The following PRKCZ variants were observed in gnomAD, a reference collection of about 807,000 sequenced individuals.
PRKCZ encodes the protein protein kinase C zeta, also known as protein kinase C zeta type.
A neutral mutation model predicts 79.5 loss-of-function variants in PRKCZ; 33 were observed. The ratio of observed to expected loss-of-function variants is 0.41; its 90% CI spans 0.31 to 0.55. PRKCZ has a LOEUF of 0.55. Ranked by LOEUF, PRKCZ falls within the 20% of genes least tolerant of loss-of-function variation. PRKCZ has a pLI of 0.19. For synonymous variants in PRKCZ, 342 were observed against 320.9 expected, an observed-to-expected ratio of 1.07 and a Z score of -0.70; for missense variants, 578 against 813.5, an observed-to-expected ratio of 0.71 and a Z score of 3.52.
At chr1:2,143,025 CTT>C (rs1171233546) in intron 5 of PRKCZ, 16 of 123,248 alleles carry the variant, frequency 1.3e-4, no homozygotes, top group African/African-American at 1.9e-4. Flanking sequence ...ATTTCCTCTT[CTT>C]TTTTTTTTTT....
At chr1:2,158,915 T>C (rs1681656310) in intron 10 of PRKCZ, among the ~76,000 whole-genome samples, 1 of 151,880 alleles carries the variant, frequency 6.6e-6, no homozygotes, top group Non-Finnish European at 1.5e-5. Context: ...TTCCTATGCA[T>C]GTCTGATTTT....
Position 2,184,967 on chromosome 1 carries a change from G to T in PRKCZ, c.1737G>T (p.Glu579Asp). The T allele has an allele frequency of 6.2e-7, 1 of 1,613,992 alleles. No individual in the cohort carries two copies. The highest frequency in any genetic ancestry group is 8.5e-7 in the Non-Finnish European group (1 of 1,180,002). Residue 579 changes from glutamate (E) to aspartate (D), a missense_variant, in exon 18 of 18, where the codon GAG becomes GAT. Transcript: ENST00000378567. ...ACCAGTCAGAGTTCGAAGGCTTTGA[G>T]TATATCAACCCATTATTGCTGTCCA... ...RIDQSEFEGF[E>D]YINPLLLSTE...
chr1:2,117,926 T>G (rs1480600945), intron 4 of PRKCZ, among the ~76,000 whole-genome samples: 2 of 152,112 alleles, frequency 1.3e-5, no homozygotes, highest in Non-Finnish European at 2.9e-5. Context: ...TATATTTTGC[T>G]TGATTCAGTT....
intron 8 of PRKCZ, among the ~76,000 whole-genome samples, chr1:2,150,233 T>C (rs1462516538): frequency 1.3e-5 from 2 of 148,520 alleles, no homozygotes; most frequent in African/African-American, 5.0e-5. Flanking sequence ...AACCGCCTCC[T>C]CCACCCCGAC....
chr1:2,159,994 G>A (rs754977748), intron 10 of PRKCZ, among the ~76,000 whole-genome samples: 1 of 152,170 alleles, frequency 6.6e-6, no homozygotes, highest in Non-Finnish European at 1.5e-5. Flanking sequence ...CAGATGGTAG[G>A]TGAGCAAACT....
chr1:2,121,991 G>T (rs188536933), intron 4 of PRKCZ, among the ~76,000 whole-genome samples: 1 of 11,028 alleles, frequency 9.1e-5, no homozygotes, highest in Non-Finnish European at 1.6e-4. Context: ...GGGTCACGGC[G>T]GTGGTTAGGG....
chr1:2,048,745 T>C (rs780824990), upstream of PRKCZ, among the ~76,000 whole-genome samples: 4 of 152,088 alleles, frequency 2.6e-5, no homozygotes, highest in African/African-American at 7.2e-5. Context: ...AGGCTGAGGC[T>C]GGGGCTCCAC....
intron 5 of PRKCZ, chr1:2,142,289 A>T (rs559715998): frequency 3.5e-4 from 73 of 211,210 alleles, no homozygotes; most frequent in Non-Finnish European, 1.4e-4. Context: ...CCAGCAGCCG[A>T]AGCGCCTCCT....
chr1:2,150,157 GT>G (rs1679575210), intron 8 of PRKCZ, among the ~76,000 whole-genome samples: 1 of 124,070 alleles, frequency 8.1e-6, no homozygotes, highest in Non-Finnish European at 1.6e-5. Flanking sequence ...GCCAGACTCC[GT>G]CTCAAAAAAA....
intron 4 of PRKCZ, among the ~76,000 whole-genome samples, chr1:2,079,968 G>A (rs1663176191): frequency 6.6e-6 from 1 of 152,224 alleles, no homozygotes; most frequent in Non-Finnish European, 1.5e-5. Context: ...CTTTGGGTGA[G>A]GAAGGGGGTC....
chr1:2,179,474 G>A (rs1014819508), intron 16 of PRKCZ, among the ~76,000 whole-genome samples: 11 of 152,234 alleles, frequency 7.2e-5, no homozygotes, highest in Non-Finnish European at 1.2e-4. Flanking sequence ...ACTATCAGGA[G>A]TCTGAGATTT....
At chr1:2,117,337 T>TA (rs1389187573) in intron 4 of PRKCZ, among the ~76,000 whole-genome samples, 1 of 152,020 alleles carries the variant, frequency 6.6e-6, no homozygotes, top group Non-Finnish European at 1.5e-5. Flanking sequence ...TTTCAGTGCT[T>TA]ATGCTGTTTT....
chr1:2,134,494 C>G (rs933142324), intron 4 of PRKCZ, among the ~76,000 whole-genome samples: 12 of 152,136 alleles, frequency 7.9e-5, no homozygotes, highest in African/African-American at 2.7e-4. Context: ...AAGTGGGACA[C>G]GGTGTTGAGG....
chr1:2,081,404 G>A (rs1663487555), intron 4 of PRKCZ, among the ~76,000 whole-genome samples: 1 of 152,210 alleles, frequency 6.6e-6, no homozygotes, highest in Admixed American at 6.5e-5. Context: ...GCAGGCTGCA[G>A]GGAGCAGGGG....
intron 4 of PRKCZ, among the ~76,000 whole-genome samples, chr1:2,118,273 A>G (rs1252073523): frequency 1.3e-5 from 2 of 151,550 alleles, no homozygotes; most frequent in Admixed American, 6.6e-5. Context: ...CTGGGATTAC[A>G]GGTGTGAGCC....
chr1:2,184,517 A>G lies in PRKCZ; in HGVS notation c.1576-66A>G, dbSNP rs553946128. ...TTCATTTTGTGATTGAAGTGCGTGC[A>G]AAACACTCAATCTGGTAGGGATGAT... On this transcript the variant is annotated intron_variant, in intron 16 of 17. Coordinates refer to ENST00000378567, the MANE Select transcript of PRKCZ (RefSeq NM_002744.6). The G allele has an allele frequency of 1.5e-4, 187 of 1,242,144 alleles. 4 individuals are homozygous for G. The South Asian group carries it at 2.5e-3, about 16-fold the overall frequency. The allele number at this position is 1,242,144 out of a possible 1,614,324, so 76.9% of individuals were successfully genotyped here.
At chr1:2,087,840 C>T (rs1664795863) in intron 4 of PRKCZ, among the ~76,000 whole-genome samples, 1 of 152,182 alleles carries the variant, frequency 6.6e-6, no homozygotes, top group Admixed American at 6.5e-5. Context: ...TGAGGAGGAC[C>T]AGCGTCTGGC....
rs200477555 is a variant in PRKCZ at position 2,182,337 on chromosome 1, C to T, written c.1576-2246C>T. 741 of 162,966 alleles carry T rather than the reference C, an allele frequency of 4.5e-3. 3 individuals carry two copies. Among genetic ancestry groups the T allele is most frequent in the Non-Finnish European group, 8.1e-3 (598 of 73,752 alleles). The allele number at this position is 162,966 out of a possible 1,614,324, so 10.1% of individuals were successfully genotyped here. A position where few individuals can be genotyped will look rare whatever the true frequency, so the allele number is the denominator to read the frequency against. On this transcript the variant is annotated intron_variant, in intron 16 of 17. Coordinates refer to ENST00000378567, the MANE Select transcript of PRKCZ (RefSeq NM_002744.6). Reference sequence around the variant, plus strand: ...CCAAGCAGCACCTGAGACTCTGAAGCCGATGCCTATACAGGCAGAAACCTG... The same window carrying T: ...CCAAGCAGCACCTGAGACTCTGAAGTCGATGCCTATACAGGCAGAAACCTG...
intron 10 of PRKCZ, among the ~76,000 whole-genome samples, chr1:2,159,391 A>G (rs1023204244): frequency 6.6e-6 from 1 of 152,250 alleles, no homozygotes; most frequent in Non-Finnish European, 1.5e-5. Flanking sequence ...TTCTGCTGGA[A>G]CATCCAGCTG....
Sources: gnomAD v4.1 joint callset for allele counts (sites outside exome capture counted in the v4.1 genomes callset) on GRCh38, gnomAD v4.1.1 for gene constraint, MANE v1.5 for transcripts, NCBI Gene and HGNC (gene_info 2026-07-23, HGNC 2026-07-21) for gene names.